The following VAT1L variants were observed in gnomAD, a reference collection of about 807,000 sequenced individuals.
The protein encoded by VAT1L is vesicle amine transport 1 like.
A neutral mutation model predicts 44.1 loss-of-function variants in VAT1L; 34 were observed. The ratio of observed to expected loss-of-function variants is 0.77; its 90% CI spans 0.59 to 1.03. The LOEUF is 1.03. Ranked by LOEUF, VAT1L falls within the 50% of genes least tolerant of loss-of-function variation. The probability of loss-of-function intolerance (pLI) is 0.00; values close to 1 mark genes in which losing one functional copy is unlikely to be tolerated. For synonymous variants in VAT1L, 253 were observed against 202.2 expected, an observed-to-expected ratio of 1.25 and a Z score of -2.13; for missense variants, 615 against 538.8, an observed-to-expected ratio of 1.14 and a Z score of -1.40.
At chr16:77,936,789 G>A (rs1026290509) in intron 7 of VAT1L, among the ~76,000 whole-genome samples, 3 of 152,194 alleles carry the variant, frequency 2.0e-5, no homozygotes, top group Admixed American at 2.0e-4. Flanking sequence ...GAGGGAGGAA[G>A]AGGGAGCAAG....
chr16:77,816,554 T>C (rs1222049192), intron 1 of VAT1L, among the ~76,000 whole-genome samples: 1 of 152,198 alleles, frequency 6.6e-6, no homozygotes, highest in Non-Finnish European at 1.5e-5. Flanking sequence ...CTTTTACCTT[T>C]GATTAAGTAC....
intron 3 of VAT1L, among the ~76,000 whole-genome samples, chr16:77,832,175 G>T (rs1017771237): frequency 6.6e-6 from 1 of 151,788 alleles, no homozygotes; most frequent in Non-Finnish European, 1.5e-5. Flanking sequence ...AATGTCAGGT[G>T]TTGGCATTAA....
chr16:77,863,871 G>T (rs1000037090), intron 4 of VAT1L, among the ~76,000 whole-genome samples: 1 of 152,182 alleles, frequency 6.6e-6, no homozygotes, highest in Non-Finnish European at 1.5e-5. Context: ...ACTCCAACCT[G>T]GGTGTGACCA....
At chr16:77,792,064 T>C (rs1221808089) in intron 1 of VAT1L, among the ~76,000 whole-genome samples, 1 of 152,186 alleles carries the variant, frequency 6.6e-6, no homozygotes, top group East Asian at 1.9e-4. Flanking sequence ...GTCTCCAAAC[T>C]TCCCATACAT....
chr16:77,933,754 T>A (rs1435991933), intron 7 of VAT1L, among the ~76,000 whole-genome samples: 3 of 152,052 alleles, frequency 2.0e-5, no homozygotes, highest in Non-Finnish European at 4.4e-5. Flanking sequence ...CTGGGTACAT[T>A]TAAAAAACAA....
At chr16:77,902,892 G>A (rs182476768) in intron 7 of VAT1L, among the ~76,000 whole-genome samples, 38 of 148,164 alleles carry the variant, frequency 2.6e-4, no homozygotes, top group African/African-American at 8.7e-4. Flanking sequence ...AGAACCACTT[G>A]AACCCGGGCG....
chr16:77,973,577 C>A (rs430714), intron 8 of VAT1L, among the ~76,000 whole-genome samples: 13,932 of 151,880 alleles, frequency 0.092, 729 homozygotes, highest in African/African-American at 0.11. Context: ...GCCACCATGC[C>A]TGGCCCCCAG....
chr16:77,847,453 G>C (rs7202242), intron 3 of VAT1L, among the ~76,000 whole-genome samples: 1 of 152,086 alleles, frequency 6.6e-6, no homozygotes, highest in African/African-American at 2.4e-5. Context: ...TCAAAACTTC[G>C]GCAAAGTGCA....
chr16:77,832,959 C>T (rs1303740195), intron 3 of VAT1L, among the ~76,000 whole-genome samples: 2 of 152,218 alleles, frequency 1.3e-5, no homozygotes, highest in African/African-American at 4.8e-5. Context: ...CCATCTACAG[C>T]ATCACCGCAG....
chr16:77,911,250 T>C (rs1429996876), intron 7 of VAT1L, among the ~76,000 whole-genome samples: 1 of 152,168 alleles, frequency 6.6e-6, no homozygotes, highest in East Asian at 1.9e-4. Flanking sequence ...AAAATACACA[T>C]TGTAAGCAGC....
At chr16:77,901,110 A>G (rs1182449371) in intron 7 of VAT1L, among the ~76,000 whole-genome samples, 3 of 147,728 alleles carry the variant, frequency 2.0e-5, no homozygotes, top group African/African-American at 7.5e-5. Context: ...TGATGTTGAG[A>G]TATACAAACA....
chr16:77,946,571 A>C (rs1399135129), intron 7 of VAT1L, among the ~76,000 whole-genome samples: 1 of 152,092 alleles, frequency 6.6e-6, no homozygotes, highest in Non-Finnish European at 1.5e-5. Flanking sequence ...CGTGAGCCAC[A>C]GCACCCAGCC....
In VAT1L at chr16:77,884,649, G is replaced by A; in HGVS notation, c.924G>A (p.Glu308=). 1.9e-6 allele frequency: 3 copies of A among 1,613,620 alleles called. No individual in the cohort carries two copies. Among genetic ancestry groups the A allele is most frequent in the Non-Finnish European group, 2.5e-6 (3 of 1,179,862 alleles). The part of the protein sequence containing the change: ...VEKVNPIKLY[E]ENKVIAGFSL... ...AGGTGAACCCCATCAAGCTGTATGA[G>A]GAGAACAAAGTCATCGCGGGGTTTT... Residue 308 remains glutamate, a synonymous_variant, in exon 7 of 9, where the codon GAG becomes GAA. Transcript: ENST00000302536. The surrounding 1 kb of genome is among the most constrained non-coding windows in gnomAD (Gnocchi z 4.5).
chr16:77,915,347 T>G (rs1323911627), intron 7 of VAT1L, among the ~76,000 whole-genome samples: 2 of 152,192 alleles, frequency 1.3e-5, no homozygotes, highest in Admixed American at 6.5e-5. Context: ...CATATACGGA[T>G]TTTTTCAGAG....
chr16:77,806,101 G>A (rs549344400), intron 1 of VAT1L, among the ~76,000 whole-genome samples: 1 of 151,818 alleles, frequency 6.6e-6, no homozygotes, highest in African/African-American at 2.4e-5. Flanking sequence ...GACATCAGGT[G>A]ATCTGCCTGC....
At chr16:77,891,286 G>A (rs942062504) in intron 7 of VAT1L, among the ~76,000 whole-genome samples, 2 of 152,064 alleles carry the variant, frequency 1.3e-5, no homozygotes, top group African/African-American at 4.8e-5. Context: ...CCCAGGAGGT[G>A]GAGCTTGCAG....
chr16:77,817,277 T>G (rs1454011534), intron 2 of VAT1L, among the ~76,000 whole-genome samples: 3 of 152,164 alleles, frequency 2.0e-5, no homozygotes, highest in Non-Finnish European at 2.9e-5. Context: ...AGGACAAATC[T>G]TGTCTCCCCC....
intron 7 of VAT1L, among the ~76,000 whole-genome samples, chr16:77,912,972 T>G (rs947818067): frequency 6.6e-6 from 1 of 152,146 alleles, no homozygotes; most frequent in Non-Finnish European, 1.5e-5. Context: ...TCCTCATTAC[T>G]TTATCTAAAC....
intron 5 of VAT1L, among the ~76,000 whole-genome samples, chr16:77,877,627 A>T (rs920991777): frequency 6.6e-6 from 1 of 151,918 alleles, no homozygotes; most frequent in Non-Finnish European, 1.5e-5. Flanking sequence ...GGTTTATCCA[A>T]TGTTTAAGAT....
Sources: gnomAD v4.1 joint callset for allele counts (sites outside exome capture counted in the v4.1 genomes callset) on GRCh38, gnomAD v4.1.1 for gene constraint, Gnocchi (gnomAD v3.1) non-coding constraint, MANE v1.5 for transcripts, NCBI Gene and HGNC (gene_info 2026-07-23, HGNC 2026-07-21) for gene names.